The following TLK1 variants were observed in gnomAD, a reference collection of about 807,000 sequenced individuals.
TLK1 encodes tousled like kinase 1, also known as serine/threonine-protein kinase tousled-like 1.
TLK1 carries 24 observed loss-of-function variants against 105.3 expected under a neutral mutation model. The ratio of observed to expected loss-of-function variants is 0.23; its 90% CI spans 0.17 to 0.32. The LOEUF (loss-of-function observed/expected upper bound fraction) is 0.32, where lower values mean the gene tolerates loss of function less well. TLK1 is among the 10% of genes least tolerant of loss of function. The pLI is 1.00. For synonymous variants in TLK1, 321 were observed against 310.4 expected, an observed-to-expected ratio of 1.03 and a Z score of -0.36; for missense variants, 558 against 910.5, an observed-to-expected ratio of 0.61 and a Z score of 4.98.
At chr2:171,112,484 T>C (rs1289806767) in intron 2 of TLK1, among the ~76,000 whole-genome samples, 5 of 152,200 alleles carry the variant, frequency 3.3e-5, no homozygotes, top group Admixed American at 2.0e-4. Context: ...TCTTCTTTAA[T>C]TTGGGCAGTT....
intron 1 of TLK1, among the ~76,000 whole-genome samples, chr2:171,150,952 C>A (rs1167049731): frequency 6.6e-6 from 1 of 152,036 alleles, no homozygotes; most frequent in Non-Finnish European, 1.5e-5. Flanking sequence ...AATAGTGTAA[C>A]TGTTAAGAGC....
chr2:171,004,373 A>G (rs1684546459), intron 18 of TLK1, among the ~76,000 whole-genome samples: 1 of 152,192 alleles, frequency 6.6e-6, no homozygotes, highest in Non-Finnish European at 1.5e-5. Flanking sequence ...AAGCCACATA[A>G]AAGTGGACCC....
upstream of TLK1, among the ~76,000 whole-genome samples, chr2:171,162,841 C>T (rs191240131): frequency 1.1e-4 from 17 of 152,276 alleles, no homozygotes; most frequent in African/African-American, 3.9e-4. Flanking sequence ...CTCTGTTTTG[C>T]CCAGGCTGGA....
chr2:171,212,609 C>T (rs981627464), intron 1 of TLK1, among the ~76,000 whole-genome samples: 6 of 151,990 alleles, frequency 3.9e-5, no homozygotes, highest in East Asian at 1.9e-4. Flanking sequence ...TGTGTGACTT[C>T]GGAAAAGAAA....
At chr2:171,023,414 T>TACACACACACAC (rs140384482) in intron 12 of TLK1, among the ~76,000 whole-genome samples, 2 of 147,632 alleles carry the variant, frequency 1.4e-5, no homozygotes, top group African/African-American at 2.5e-5. Flanking sequence ...CACTCACACA[T>TACACACACACAC]ACACACACAC....
chr2:171,200,440 G>A (rs2105319655), intron 1 of TLK1, among the ~76,000 whole-genome samples: 1 of 152,290 alleles, frequency 6.6e-6, no homozygotes, highest in African/African-American at 2.4e-5. Flanking sequence ...CTGTTAGAAT[G>A]ACTTGCGCAG....
chr2:171,117,854 G>A lies in TLK1; in HGVS notation c.143C>T (p.Ala48Val), dbSNP rs1471292983. The change falls in exon 2 of 21, where the codon GCA (alanine) becomes GTA (valine). Residue 48 changes from alanine (A) to valine (V), a missense_variant. By Grantham distance (64) the Ala-to-Val change is moderately conservative. Transcript: ENST00000431350. ...TPPSGRPREGAMDELHSLDPR... is the reference protein window; with the variant it reads ...TPPSGRPREGVMDELHSLDPR... The stretch of plus-strand genomic sequence containing the variant: ...ATCCAGACTATGAAGCTCATCCATT[G>A]CACCTATTAAGAAAAAAAAATATAT... 6.2e-7 allele frequency: 1 copy of A among 1,604,662 alleles called. No homozygotes were observed. Among genetic ancestry groups the A allele is most frequent in the African/African-American group, 1.3e-5 (1 of 74,132 alleles).
intron 5 of TLK1, among the ~76,000 whole-genome samples, chr2:171,056,875 T>C (rs1687527890): frequency 6.6e-6 from 1 of 151,836 alleles, no homozygotes; most frequent in South Asian, 2.1e-4. Flanking sequence ...TATTTTGTTT[T>C]CCCCCCAAAT....
chr2:171,098,777 C>A (rs13007609), intron 2 of TLK1, among the ~76,000 whole-genome samples: 32,520 of 152,024 alleles, frequency 0.21, 3,961 homozygotes, highest in Non-Finnish European at 0.28. Context: ...ACACTTTGAG[C>A]AAACAGTATT....
At chr2:171,024,372 CT>C (rs1318749708) in intron 12 of TLK1, among the ~76,000 whole-genome samples, 3 of 151,940 alleles carry the variant, frequency 2.0e-5, no homozygotes, top group African/African-American at 7.3e-5. Flanking sequence ...TCAACAGTCA[CT>C]AACATAATGC....
At chr2:171,177,134 CTCTTTTCTTTTT>C (rs1692844532) in intron 1 of TLK1, among the ~76,000 whole-genome samples, 1 of 150,788 alleles carries the variant, frequency 6.6e-6, no homozygotes, top group Non-Finnish European at 1.5e-5. Context: ...TGCCTGACTC[CTCTTTTCTTTTT>C]TCTTTTCTTT....
At chr2:171,129,253 A>G (rs1690998830) in intron 1 of TLK1, among the ~76,000 whole-genome samples, 1 of 152,184 alleles carries the variant, frequency 6.6e-6, no homozygotes, top group South Asian at 2.1e-4. Context: ...ATAAAAGTAA[A>G]AAGTCCCAAT....
chr2:171,167,155 G>A (rs1692625122), intron 1 of TLK1, among the ~76,000 whole-genome samples: 1 of 152,158 alleles, frequency 6.6e-6, no homozygotes, highest in Non-Finnish European at 1.5e-5. Context: ...GTTAAGCTGG[G>A]TGGGAGTACG....
At position 171,005,259 on chromosome 2, in the gene TLK1, C is replaced by T. The variant is rs373468138; in HGVS notation, c.1904+888G>A. Among the ~76,000 whole-genome samples, 3 of 152,284 alleles carry T rather than the reference C, an allele frequency of 2.0e-5. No homozygotes were observed. The East Asian group carries it at 5.8e-4, about 29-fold the overall frequency. ...AATTTAACAAGTTTGAAAATTCACA[C>T]TGAAGTAGTTTTTGTGAACACGTAG... On this transcript the variant is annotated intron_variant, in intron 18 of 20. Coordinates refer to ENST00000431350, the MANE Select transcript of TLK1 (RefSeq NM_012290.5).
rs1009685217 is a variant in TLK1, at chr2:171,160,212, G to A, written c.139+78C>T. 3 of 1,253,362 alleles carry A rather than the reference G, an allele frequency of 2.4e-6. No homozygotes were observed. Among genetic ancestry groups the A allele is most frequent in the African/African-American group, 3.3e-5 (2 of 60,376 alleles). The allele number at this position is 1,253,362 out of a possible 1,614,324, so 77.6% of individuals were successfully genotyped here. A position where few individuals can be genotyped will look rare whatever the true frequency, so the allele number is the denominator to read the frequency against. On this transcript the variant is annotated intron_variant, in intron 1 of 20. Transcript: ENST00000431350. The surrounding 1 kb of genome is among the most constrained non-coding windows in gnomAD (Gnocchi z 4.4). ...TCTGGCGGAGAAGCCCCGGGGCGGG[G>A]GGGGCGGGGGGGGGGCGCGGGGGTC...
chr2:171,115,950 A>G (rs1690407440), intron 2 of TLK1, among the ~76,000 whole-genome samples: 1 of 152,236 alleles, frequency 6.6e-6, no homozygotes, highest in African/African-American at 2.4e-5. Context: ...TCTTATTAAA[A>G]TATCTAATAA....
chr2:171,209,365 C>T (rs562850498), intron 1 of TLK1, among the ~76,000 whole-genome samples: 1 of 152,018 alleles, frequency 6.6e-6, no homozygotes, highest in African/African-American at 2.4e-5. Flanking sequence ...GTTAGGACTG[C>T]TAAATAAATT....
intron 2 of TLK1, among the ~76,000 whole-genome samples, chr2:171,101,015 T>C (rs760337980): frequency 3.9e-5 from 6 of 152,148 alleles, no homozygotes; most frequent in Non-Finnish European, 8.8e-5. Flanking sequence ...ATACATACTA[T>C]AACATCTGTG....
At chr2:171,119,765 C>A (rs1325722043) in intron 1 of TLK1, among the ~76,000 whole-genome samples, 1 of 152,138 alleles carries the variant, frequency 6.6e-6, no homozygotes, top group Non-Finnish European at 1.5e-5. Context: ...AACTGGATAT[C>A]CACATGCAAA....
Sources: allele counts gnomAD v4.1 joint callset (sites outside exome capture counted in the v4.1 genomes callset), GRCh38; gene constraint gnomAD v4.1.1; non-coding constraint Gnocchi (gnomAD v3.1); transcripts MANE v1.5; gene names NCBI Gene and HGNC (gene_info 2026-07-23, HGNC 2026-07-21).